The following PLXDC2 variants were observed in gnomAD, a reference collection of about 807,000 sequenced individuals.
PLXDC2 encodes plexin domain-containing protein 2.
Under a neutral mutation model 68.9 loss-of-function variants are expected in PLXDC2, and 40 were observed. The ratio of observed to expected loss-of-function variants is 0.58; its 90% confidence interval spans 0.45 to 0.76. PLXDC2 has a LOEUF of 0.76. PLXDC2 is among the 30% of genes least tolerant of loss of function. The pLI, the probability that PLXDC2 is intolerant of heterozygous loss-of-function variation, is 0.00. For missense variants in PLXDC2, 644 were observed against 661.9 expected, an observed-to-expected ratio of 0.97 and a Z score of 0.30; for synonymous variants, 243 against 234.2, an observed-to-expected ratio of 1.04 and a Z score of -0.34.
chr10:20,079,388 T>A (rs1364165376), intron 4 of PLXDC2, among the ~76,000 whole-genome samples: 6 of 152,326 alleles, frequency 3.9e-5, no homozygotes, highest in African/African-American at 1.4e-4. Context: ...GAAATAGGAA[T>A]GCTTCTACAC....
chr10:20,048,672 G>A (rs536203442), intron 3 of PLXDC2, among the ~76,000 whole-genome samples: 6 of 152,226 alleles, frequency 3.9e-5, no homozygotes, highest in Admixed American at 2.0e-4. Context: ...TCTATAGGCA[G>A]AGAAAGGAGT....
chr10:19,900,956 T>C (rs1358197588), intron 1 of PLXDC2, among the ~76,000 whole-genome samples: 1 of 151,214 alleles, frequency 6.6e-6, no homozygotes, highest in Non-Finnish European at 1.5e-5. Context: ...TATGGCTGAG[T>C]AGTATCCCAT....
At chr10:20,083,751 A>G (rs188815574) in intron 4 of PLXDC2, among the ~76,000 whole-genome samples, 20 of 152,298 alleles carry the variant, frequency 1.3e-4, no homozygotes, top group Non-Finnish European at 2.6e-4. Context: ...TTTTGTTAAG[A>G]AAAATTATTT....
At chr10:20,140,401 T>TAC (rs775079514) in intron 4 of PLXDC2, among the ~76,000 whole-genome samples, 1 of 71,552 alleles carries the variant, frequency 1.4e-5, no homozygotes, top group Admixed American at 1.5e-4. Flanking sequence ...TATATATATA[T>TAC]AAAATATCTA....
At chr10:20,043,369 A>G (rs950581978) in intron 2 of PLXDC2, 1 of 152,196 alleles carries the variant, frequency 6.6e-6, no homozygotes, top group African/African-American at 2.4e-5. Flanking sequence ...TTCACATAGT[A>G]TGTCAGTGGT....
rs968123975 is a variant in PLXDC2, at chr10:20,169,906, C to T, written c.883+5339C>T. ...TTAGAATATTCCTTTATTTTTCTCACTCACAGTACATTATTTGGTACTTTC... is the reference window on the plus strand; with the variant it reads ...TTAGAATATTCCTTTATTTTTCTCATTCACAGTACATTATTTGGTACTTTC... On this transcript the variant is annotated intron_variant, in intron 7 of 13. Transcript: ENST00000377252. 3.9e-5 allele frequency among the ~76,000 whole-genome samples: 6 copies of T among 152,160 alleles called. 1 individual carries two copies. Among genetic ancestry groups the T allele is most frequent in the African/African-American group, 1.2e-4 (5 of 41,438 alleles).
intron 3 of PLXDC2, among the ~76,000 whole-genome samples, chr10:20,052,437 G>A (rs955710302): frequency 6.6e-6 from 1 of 151,830 alleles, no homozygotes; most frequent in Non-Finnish European, 1.5e-5. Flanking sequence ...TGTGACCAGG[G>A]GGCTGAGTAA....
intron 9 of PLXDC2, among the ~76,000 whole-genome samples, chr10:20,195,073 G>T (rs532880912): frequency 6.6e-6 from 1 of 152,094 alleles, no homozygotes; most frequent in Non-Finnish European, 1.5e-5. Context: ...GTGAACAAAT[G>T]ATTTCATAAA....
chr10:20,139,152 C>A (rs976254891), intron 4 of PLXDC2, among the ~76,000 whole-genome samples: 3 of 152,276 alleles, frequency 2.0e-5, no homozygotes, highest in South Asian at 2.1e-4. Context: ...CTAGAGACCA[C>A]CTATGGAAAG....
intron 9 of PLXDC2, among the ~76,000 whole-genome samples, chr10:20,204,173 G>A (rs779295895): frequency 3.9e-5 from 6 of 152,088 alleles, no homozygotes; most frequent in Non-Finnish European, 7.4e-5. Flanking sequence ...CTAGGAGCAA[G>A]CATGCCTGTA....
At chr10:20,140,674 A>G (rs943738354) in intron 4 of PLXDC2, among the ~76,000 whole-genome samples, 8 of 152,248 alleles carry the variant, frequency 5.3e-5, no homozygotes, top group Admixed American at 1.3e-4. Context: ...AAAATTAAGG[A>G]GAACTAGGTA....
intron 4 of PLXDC2, among the ~76,000 whole-genome samples, chr10:20,103,937 C>A (rs1833456940): frequency 6.6e-6 from 1 of 152,180 alleles, no homozygotes; most frequent in Non-Finnish European, 1.5e-5. Context: ...GCCACCGTGC[C>A]CGGCTGACAC....
intron 1 of PLXDC2, among the ~76,000 whole-genome samples, chr10:19,990,506 G>A (rs1486040218): frequency 9.0e-5 from 1 of 11,068 alleles, no homozygotes; most frequent in Non-Finnish European, 1.3e-4. Flanking sequence ...GAAGCCGCTG[G>A]ATTCTAAGTG....
At chr10:19,924,071 A>C (rs978528938) in intron 1 of PLXDC2, among the ~76,000 whole-genome samples, 1 of 152,148 alleles carries the variant, frequency 6.6e-6, no homozygotes, top group Non-Finnish European at 1.5e-5. Context: ...AGTTCCCGGA[A>C]GTCCCAACCG....
At chr10:19,999,269 A>T (rs534243957) in intron 1 of PLXDC2, among the ~76,000 whole-genome samples, 1 of 152,296 alleles carries the variant, frequency 6.6e-6, no homozygotes, top group South Asian at 2.1e-4. Flanking sequence ...TATCTAAAAA[A>T]TGGTAAAAAT....
Position 20,259,928 on chromosome 10 carries a change from A to C in PLXDC2, c.1473+14423A>C, listed in dbSNP as rs75067165. The stretch of plus-strand genomic sequence containing the variant: ...TGAGTAGGATAGGGACAACAGAGAT[A>C]AATAAAAAAAGGAAGAAGATTCCTA... On this transcript the variant is annotated intron_variant, in intron 13 of 13. Coordinates refer to ENST00000377252, the MANE Select transcript of PLXDC2 (RefSeq NM_032812.9). 9.2e-3 allele frequency among the ~76,000 whole-genome samples: 1,400 copies of C among 152,306 alleles called. 17 individuals are homozygous for C. The highest frequency in any genetic ancestry group is 0.031 in the African/African-American group (1,304 of 41,566).
At chr10:20,094,824 G>C (rs755728930) in intron 4 of PLXDC2, among the ~76,000 whole-genome samples, 98 of 152,172 alleles carry the variant, frequency 6.4e-4, no homozygotes, top group Non-Finnish European at 2.8e-4. Flanking sequence ...TGGGACTCAT[G>C]TCATGCTAAC....
chr10:20,249,645 T>C (rs1321947465), intron 13 of PLXDC2, among the ~76,000 whole-genome samples: 1 of 152,172 alleles, frequency 6.6e-6, no homozygotes. Flanking sequence ...TCTAGGATAC[T>C]CTCTGCATCT....
intron 4 of PLXDC2, among the ~76,000 whole-genome samples, chr10:20,113,475 T>A (rs1171494737): frequency 6.6e-6 from 1 of 152,246 alleles, no homozygotes; most frequent in Non-Finnish European, 1.5e-5. Context: ...AACTCTCTAA[T>A]GTGTCTACTT....
Sources: allele counts gnomAD v4.1 joint callset (sites outside exome capture counted in the v4.1 genomes callset), GRCh38; gene constraint gnomAD v4.1.1; transcripts MANE v1.5; gene names NCBI Gene and HGNC (gene_info 2026-07-23, HGNC 2026-07-21).